The following RBM6 variants were observed in gnomAD, a reference collection of about 807,000 sequenced individuals.
RBM6 encodes the protein RNA binding motif protein 6, also known as RNA-binding protein 6.
In RBM6, 23 loss-of-function variants were observed where a neutral mutation model predicts 140.4. The observed-to-expected ratio is 0.16, with a 90% CI of 0.12 to 0.23. The LOEUF is 0.23. RBM6 is among the 10% of genes least tolerant of loss of function. RBM6 has a pLI of 1.00. For synonymous variants in RBM6, 439 were observed against 475.6 expected (o/e 0.92, Z 1.00); for missense variants, 1,139 against 1,386.7 (o/e 0.82, Z 2.84).
chr3:49,977,707 A>C (rs1222225698), intron 5 of RBM6, among the ~76,000 whole-genome samples: 1 of 152,216 alleles, frequency 6.6e-6, no homozygotes, highest in Non-Finnish European at 1.5e-5. Flanking sequence ...CAGGTGAGGA[A>C]CATAAAAGGG....
At chr3:50,069,004 G>A (rs1404040723) in intron 18 of RBM6, among the ~76,000 whole-genome samples, 7 of 152,192 alleles carry the variant, frequency 4.6e-5, no homozygotes, top group Non-Finnish European at 1.5e-5. Context: ...GGGTCTCTAG[G>A]TAGATAACAC....
chr3:50,055,403 C>T (rs2089660517), intron 8 of RBM6, among the ~76,000 whole-genome samples: 1 of 152,064 alleles, frequency 6.6e-6, no homozygotes, highest in South Asian at 2.1e-4. Flanking sequence ...GCACTCCAGC[C>T]TAGGCAACAG....
chr3:49,974,213 C>T (rs1210276799), intron 4 of RBM6, among the ~76,000 whole-genome samples: 1 of 150,984 alleles, frequency 6.6e-6, no homozygotes, highest in Non-Finnish European at 1.5e-5. Flanking sequence ...TTCCTATGTA[C>T]CTGAGAATTT....
intron 1 of RBM6, among the ~76,000 whole-genome samples, chr3:49,953,220 T>A (rs1259328879): frequency 3.2e-5 from 4 of 124,546 alleles, no homozygotes; most frequent in Non-Finnish European, 7.1e-5. Flanking sequence ...CACACCTTGC[T>A]AATTTTTTTT....
chr3:50,039,835 A>G (rs1190013172), intron 6 of RBM6, among the ~76,000 whole-genome samples: 1 of 152,176 alleles, frequency 6.6e-6, no homozygotes, highest in Non-Finnish European at 1.5e-5. Context: ...CAAGGAGAGA[A>G]AAGATTTGAG....
chr3:50,058,102 G>A (rs2108909900), intron 9 of RBM6, 99 bp downstream of exon 9: 1 of 1,414,724 alleles, frequency 7.1e-7, no homozygotes, highest in Non-Finnish European at 9.5e-7. Context: ...CCAGTACCCT[G>A]AGAGATCTGT....
At chr3:49,940,337 G>C (rs2083228370) in intron 1 of RBM6, 112 bp downstream of exon 1, 1 of 152,402 alleles carries the variant, frequency 6.6e-6, no homozygotes, top group Non-Finnish European at 1.5e-5. Context: ...TGTGGCTTCA[G>C]TGTCGCGGGG....
At chr3:49,994,831 T>C (rs2086006586) in intron 5 of RBM6, among the ~76,000 whole-genome samples, 1 of 152,172 alleles carries the variant, frequency 6.6e-6, no homozygotes, top group South Asian at 2.1e-4. Flanking sequence ...ATGTGTATTC[T>C]GGGCTTTTTC....
chr3:50,025,009 A>C (rs2087722438), intron 6 of RBM6, among the ~76,000 whole-genome samples: 3 of 151,200 alleles, frequency 2.0e-5, no homozygotes, highest in Admixed American at 2.0e-4. Flanking sequence ...AAAAACAAAA[A>C]ACAAGAAAAC....
At chr3:50,048,048 C>G (rs41291718) in intron 6 of RBM6, among the ~76,000 whole-genome samples, 197 bp from the exon 7 acceptor site, 1,931 of 152,324 alleles carry the variant, frequency 0.013, 32 homozygotes, top group Non-Finnish European at 0.014. Context: ...TCGTACTCCC[C>G]TTTCCTAAGC....
chr3:49,998,563 C>A (rs981415183), intron 5 of RBM6, among the ~76,000 whole-genome samples: 1 of 152,160 alleles, frequency 6.6e-6, no homozygotes, highest in Non-Finnish European at 1.5e-5. Flanking sequence ...AGTTCAGCAA[C>A]CTATAAATCC....
intron 6 of RBM6, among the ~76,000 whole-genome samples, chr3:50,031,045 C>T (rs2088123105): frequency 6.6e-6 from 1 of 152,154 alleles, no homozygotes; most frequent in African/African-American, 2.4e-5. Context: ...GTATCTCACA[C>T]CAGTTAGAAT....
chr3:49,953,708 C>T (rs961578438), intron 1 of RBM6, among the ~76,000 whole-genome samples: 5 of 151,598 alleles, frequency 3.3e-5, no homozygotes, highest in Admixed American at 1.3e-4. Flanking sequence ...TTAGTAGAGA[C>T]GGGGTTTCAC....
At chr3:50,018,714 C>T (rs1403037313) in intron 6 of RBM6, among the ~76,000 whole-genome samples, 1 of 149,870 alleles carries the variant, frequency 6.7e-6, no homozygotes, top group African/African-American at 2.5e-5. Flanking sequence ...GCCTCAGCCT[C>T]CCAAGTAGCT....
intron 6 of RBM6, among the ~76,000 whole-genome samples, chr3:50,014,131 A>C (rs1298365936): frequency 6.6e-6 from 1 of 152,160 alleles, no homozygotes; most frequent in Non-Finnish European, 1.5e-5. Context: ...GTCTTATAAT[A>C]ATCAGTTATC....
chr3:49,980,390 G>A (rs761223092), intron 5 of RBM6, among the ~76,000 whole-genome samples: 9 of 152,028 alleles, frequency 5.9e-5, no homozygotes, highest in Non-Finnish European at 1.2e-4. Flanking sequence ...TCATGGTTTC[G>A]AAAATAATAC....
intron 6 of RBM6, among the ~76,000 whole-genome samples, chr3:50,025,130 G>T (rs529545666): frequency 6.7e-6 from 1 of 150,156 alleles, no homozygotes; most frequent in African/African-American, 2.4e-5. Context: ...TTTTTTCAAA[G>T]TTGTTATTTC....
intron 6 of RBM6, among the ~76,000 whole-genome samples, chr3:50,004,519 C>G (rs2086490263): frequency 6.7e-6 from 1 of 149,728 alleles, no homozygotes; most frequent in Non-Finnish European, 1.5e-5. Context: ...TGCAACATTC[C>G]CCAGGCTGGT....
chr3:49,949,120 C>T (rs182810129), intron 1 of RBM6, among the ~76,000 whole-genome samples: 258 of 151,088 alleles, frequency 1.7e-3, no homozygotes, highest in Middle Eastern at 0.01. Flanking sequence ...TGAGCCACCA[C>T]GCCTGGTCAT....
Sources: allele counts gnomAD v4.1 joint callset (sites outside exome capture counted in the v4.1 genomes callset), GRCh38; gene constraint gnomAD v4.1.1; transcripts MANE v1.5; gene names NCBI Gene and HGNC (gene_info 2026-07-23, HGNC 2026-07-21).